The following CA1 variants were observed in gnomAD, a reference collection of about 807,000 sequenced individuals.
CA1 encodes the protein carbonic anhydrase 1, also known as carbonate dehydratase I.
Under a neutral mutation model 28.8 loss-of-function variants are expected in CA1, and 27 were observed. That is an observed-to-expected ratio of 0.94 (90% CI 0.69 to 1.29). The LOEUF (loss-of-function observed/expected upper bound fraction) is 1.29, where lower values mean the gene tolerates loss of function less well. Ranked by LOEUF, CA1 falls within the 50% of genes most tolerant of loss-of-function variation. The pLI is 0.00. For synonymous variants in CA1, 121 were observed against 108.8 expected, an observed-to-expected ratio of 1.11 and a Z score of -0.70; for missense variants, 335 against 310.5, an observed-to-expected ratio of 1.08 and a Z score of -0.59.
intron 1 of CA1, among the ~76,000 whole-genome samples, chr8:85,352,148 G>A (rs1029636813): frequency 1.3e-5 from 2 of 152,156 alleles, no homozygotes; most frequent in Admixed American, 6.5e-5. Flanking sequence ...CACCAGGTCT[G>A]CATCCAAATC....
chr8:85,344,077 A>G (rs908202054), intron 1 of CA1, among the ~76,000 whole-genome samples: 2 of 67,886 alleles, frequency 2.9e-5, no homozygotes, highest in African/African-American at 4.9e-5. Flanking sequence ...CTTCTAAACT[A>G]AAAGTATATA....
At chr8:85,346,944 A>G (rs920056456) in intron 1 of CA1, among the ~76,000 whole-genome samples, 1 of 152,216 alleles carries the variant, frequency 6.6e-6, no homozygotes, top group African/African-American at 2.4e-5. Context: ...TTTGCTGTAG[A>G]TTAAACTAAA....
intron 1 of CA1, chr8:85,351,702 G>A (rs774823235): frequency 6.6e-6 from 1 of 152,162 alleles, no homozygotes; most frequent in Non-Finnish European, 1.5e-5. Context: ...ACTGATTTAC[G>A]AGCAGCTTTC....
chr8:85,361,973 A>G (rs112785588), intron 1 of CA1, among the ~76,000 whole-genome samples: 186 of 152,312 alleles, frequency 1.2e-3, no homozygotes, highest in African/African-American at 3.7e-3. Context: ...GCTGAAACAA[A>G]TCATCAAAAG....
chr8:85,337,218 G>A lies in CA1; in HGVS notation c.236-155C>T, dbSNP rs570146361. 1,046 of 669,472 alleles carry A rather than the reference G, an allele frequency of 1.6e-3. 4 individuals are homozygous for A. Among genetic ancestry groups the A allele is most frequent in the South Asian group, 2.6e-3 (167 of 64,672 alleles). 41.5% of individuals were successfully genotyped at this position (669,472 alleles called of 1,614,324 possible). On this transcript the variant is annotated intron_variant, in intron 3 of 7. Coordinates refer to ENST00000523022, the MANE Select transcript of CA1 (RefSeq NM_001128831.4). The stretch of plus-strand genomic sequence containing the variant: ...TCTTGTTTTCCCCCACATCCATGAG[G>A]ATGACAGTCATATGTATGGTGCACC...
intron 1 of CA1, among the ~76,000 whole-genome samples, chr8:85,345,233 C>T (rs1285816057): frequency 1.3e-5 from 2 of 152,154 alleles, no homozygotes; most frequent in Non-Finnish European, 2.9e-5. Context: ...AGCTTGTTCC[C>T]ATTTTAGGAC....
At chr8:85,366,744 A>G (rs1443307155) in intron 1 of CA1, among the ~76,000 whole-genome samples, 1 of 152,230 alleles carries the variant, frequency 6.6e-6, no homozygotes, top group Non-Finnish European at 1.5e-5. Context: ...TAGTGATACT[A>G]GACAAGTGCA....
chr8:85,328,440 G>T lies in CA1; in HGVS notation c.*120C>A. 3.1e-6 allele frequency: 2 copies of T among 636,732 alleles called. No individual in the cohort carries two copies. The highest frequency in any genetic ancestry group is 4.0e-5 in the South Asian group (2 of 49,768). The allele number at this position is 636,732 out of a possible 1,614,324, so 39.4% of individuals were successfully genotyped here. On this transcript the variant is annotated 3_prime_UTR_variant, in exon 8 of 8. Transcript: ENST00000523022. ...GTTTCTTAGTTTTACAGATTGATTT[G>T]AAGGCATGCTGTCTTGCTAATATTG...
intron 1 of CA1, among the ~76,000 whole-genome samples, chr8:85,350,183 CTAAG>C (rs2130281014): frequency 6.6e-6 from 1 of 152,196 alleles, no homozygotes; most frequent in Admixed American, 6.5e-5. Flanking sequence ...GGGTTTAGCT[CTAAG>C]TAAGTGAAGA....
At chr8:85,355,797 A>G (rs1809583519) in intron 1 of CA1, among the ~76,000 whole-genome samples, 1 of 152,044 alleles carries the variant, frequency 6.6e-6, no homozygotes, top group South Asian at 2.1e-4. Context: ...ACTTGAAGCT[A>G]AACTTATTAT....
At chr8:85,376,022 A>G (rs990641889) in intron 1 of CA1, among the ~76,000 whole-genome samples, 6 of 152,340 alleles carry the variant, frequency 3.9e-5, no homozygotes, top group African/African-American at 1.4e-4. Context: ...TCAACTATCA[A>G]ATTACACAGT....
chr8:85,374,317 G>A (rs2645047), intron 1 of CA1, among the ~76,000 whole-genome samples: 122,865 of 152,018 alleles, frequency 0.81, 50,566 homozygotes, highest in African/African-American at 0.94. Flanking sequence ...TCTTCATATA[G>A]CAAAAATTTT....
chr8:85,362,408 T>C (rs1809831685), intron 1 of CA1, among the ~76,000 whole-genome samples: 1 of 152,122 alleles, frequency 6.6e-6, no homozygotes, highest in Non-Finnish European at 1.5e-5. Context: ...CTACTACAGG[T>C]AGGAAGCAAG....
chr8:85,348,870 G>A (rs1809300512), intron 1 of CA1, among the ~76,000 whole-genome samples: 1 of 152,156 alleles, frequency 6.6e-6, no homozygotes, highest in Admixed American at 6.5e-5. Flanking sequence ...TACTGAGTGT[G>A]CTACTACTAA....
intron 1 of CA1, among the ~76,000 whole-genome samples, chr8:85,352,070 A>G (rs1004351462): frequency 6.6e-6 from 1 of 152,206 alleles, no homozygotes; most frequent in Non-Finnish European, 1.5e-5. Flanking sequence ...TGTTGAAATT[A>G]GCTATGGGTT....
At chr8:85,340,557 C>A (rs1808872465) in intron 2 of CA1, among the ~76,000 whole-genome samples, 1 of 152,158 alleles carries the variant, frequency 6.6e-6, no homozygotes, top group Non-Finnish European at 1.5e-5. Flanking sequence ...GGAGTAATTT[C>A]AACTTTCAAA....
chr8:85,338,337 G>A lies in CA1; in HGVS notation c.150C>T (p.Val50=). Residue 50 remains valine (V), a synonymous_variant, in exon 3 of 8, where the codon GTC becomes GTT. Coordinates refer to ENST00000523022, the MANE Select transcript of CA1 (RefSeq NM_001128831.4). The part of the protein sequence containing the change: ...KHDTSLKPIS[V]SYNPATAKEI... Reference sequence around the variant, plus strand: ...CTTTGGCTGTGGCTGGGTTGTAGGAGACACTAATAGGTTTCAGAGAGGTGT... The same window carrying A: ...CTTTGGCTGTGGCTGGGTTGTAGGAAACACTAATAGGTTTCAGAGAGGTGT... 1 of 1,613,808 alleles carries A rather than the reference G, an allele frequency of 6.2e-7. No individual in the cohort carries two copies. The highest frequency in any genetic ancestry group is 8.5e-7 in the Non-Finnish European group (1 of 1,179,722).
chr8:85,333,223 A>G (rs1808486635), intron 5 of CA1, among the ~76,000 whole-genome samples: 1 of 152,154 alleles, frequency 6.6e-6, no homozygotes, highest in Non-Finnish European at 1.5e-5. Context: ...TTCAGAATCT[A>G]TGATGTAGGA....
intron 1 of CA1, among the ~76,000 whole-genome samples, chr8:85,345,721 G>A (rs183781245): frequency 6.6e-4 from 101 of 152,236 alleles, no homozygotes; most frequent in African/African-American, 2.3e-3. Flanking sequence ...TTGGGCATGT[G>A]AATGAGCTTT....
Sources: gnomAD v4.1 joint callset for allele counts (sites outside exome capture counted in the v4.1 genomes callset) on GRCh38, gnomAD v4.1.1 for gene constraint, MANE v1.5 for transcripts, NCBI Gene and HGNC (gene_info 2026-07-23, HGNC 2026-07-21) for gene names.